The following RAB11FIP4 variants were observed in gnomAD, a reference collection of about 807,000 sequenced individuals.
RAB11FIP4 encodes the protein rab11 family-interacting protein 4.
A neutral mutation model predicts 74.3 loss-of-function variants in RAB11FIP4; 23 were observed. That is an observed-to-expected ratio of 0.31 (90% CI 0.22 to 0.44). The LOEUF is 0.44. RAB11FIP4 is among the 20% of genes least tolerant of loss of function. RAB11FIP4 has a pLI of 1.00. For synonymous variants in RAB11FIP4, 360 were observed against 359.9 expected, an observed-to-expected ratio of 1.00 and a Z score of 0.00; for missense variants, 630 against 863.9, an observed-to-expected ratio of 0.73 and a Z score of 3.39.
At chr17:31,520,571 A>G (rs1449219715) in intron 4 of RAB11FIP4, among the ~76,000 whole-genome samples, 4 of 152,040 alleles carry the variant, frequency 2.6e-5, no homozygotes, top group Non-Finnish European at 5.9e-5. Flanking sequence ...GCAGTGGCAC[A>G]ATCTCGGCTC....
At chr17:31,462,303 G>T (rs943868339) in intron 3 of RAB11FIP4, among the ~76,000 whole-genome samples, 7 of 151,916 alleles carry the variant, frequency 4.6e-5, no homozygotes, top group Non-Finnish European at 1.0e-4. Flanking sequence ...CAGGGCCTAG[G>T]TTCTACCTCC....
chr17:31,436,882 G>T (rs529657685), intron 3 of RAB11FIP4, among the ~76,000 whole-genome samples: 2 of 151,706 alleles, frequency 1.3e-5, no homozygotes, highest in Non-Finnish European at 2.9e-5. Context: ...CCGCCTCCCG[G>T]GTTCATGCCA....
At chr17:31,445,532 TTATATA>T (rs1208804229) in intron 3 of RAB11FIP4, among the ~76,000 whole-genome samples, 691 of 36,284 alleles carry the variant, frequency 0.019, 7 homozygotes, top group Non-Finnish European at 0.021. Context: ...TTTCCCAATT[TTATATA>T]TATATATATA....
chr17:31,438,296 G>A (rs1215869570), intron 3 of RAB11FIP4, among the ~76,000 whole-genome samples: 1 of 152,090 alleles, frequency 6.6e-6, no homozygotes, highest in African/African-American at 2.4e-5. Flanking sequence ...TCAGCAGGCA[G>A]TAATGTGAAC....
At chr17:31,522,534 G>A (rs2072688451) in intron 7 of RAB11FIP4, 139 bp downstream of exon 7, 4 of 781,346 alleles carry the variant, frequency 5.1e-6, no homozygotes, top group African/African-American at 1.7e-5. Flanking sequence ...CCATCCCAGG[G>A]CAGTGCAGCC....
At chr17:31,486,146 A>G (rs376001708) in intron 3 of RAB11FIP4, among the ~76,000 whole-genome samples, 2 of 152,130 alleles carry the variant, frequency 1.3e-5, no homozygotes, top group African/African-American at 4.8e-5. Context: ...AGGCAGAAGA[A>G]TCGCTTGAAC....
intron 1 of RAB11FIP4, among the ~76,000 whole-genome samples, chr17:31,401,126 G>T (rs2070981286): frequency 6.6e-6 from 1 of 152,158 alleles, no homozygotes; most frequent in African/African-American, 2.4e-5. Context: ...AACAAAATTA[G>T]CTGGGCATGG....
chr17:31,440,497 G>A (rs1002299425), intron 3 of RAB11FIP4, among the ~76,000 whole-genome samples: 6 of 152,154 alleles, frequency 3.9e-5, no homozygotes, highest in Admixed American at 2.6e-4. Context: ...GGCCAGGTGC[G>A]GTGGCTCATG....
Position 31,462,588 on chromosome 17 carries a change from C to T in RAB11FIP4, c.336+28466C>T, listed in dbSNP as rs187376695. Among the ~76,000 whole-genome samples the T allele has an allele frequency of 4.0e-3, 607 of 152,248 alleles. 3 individuals are homozygous for T. The highest frequency in any genetic ancestry group is 5.9e-3 in the Non-Finnish European group (404 of 68,024). ...CCTAGCACCAGCCTCGGTCCGGACT[C>T]TTAGCGTCATTATCTCCACACCATC... On this transcript the variant is annotated intron_variant, in intron 3 of 14. Transcript: ENST00000621161.
At chr17:31,524,220 T>G (rs2072723043) in intron 9 of RAB11FIP4, 1 of 529,632 alleles carries the variant, frequency 1.9e-6, no homozygotes, top group South Asian at 2.2e-5. Flanking sequence ...CTAGGCCCAA[T>G]GGATTCTACC....
chr17:31,505,892 T>C (rs1250187956), intron 3 of RAB11FIP4, among the ~76,000 whole-genome samples: 1 of 147,744 alleles, frequency 6.8e-6, no homozygotes, highest in African/African-American at 2.5e-5. Context: ...TTTTTTTTTT[T>C]GTAGAGATGG....
intron 1 of RAB11FIP4, among the ~76,000 whole-genome samples, chr17:31,430,606 G>A (rs898099656): frequency 2.0e-5 from 3 of 151,860 alleles, no homozygotes; most frequent in Admixed American, 6.6e-5. Flanking sequence ...TGATCTACCC[G>A]CCTCGGCCTC....
chr17:31,450,327 ATTATTATTATTAT>A (rs2071513211), intron 3 of RAB11FIP4, among the ~76,000 whole-genome samples: 2 of 82,876 alleles, frequency 2.4e-5, no homozygotes, highest in Non-Finnish European at 4.7e-5. Context: ...CGGCTTTATT[ATTATTATTATTAT>A]TATTATTATT....
intron 3 of RAB11FIP4, among the ~76,000 whole-genome samples, chr17:31,486,615 G>A (rs2071905511): frequency 6.6e-6 from 1 of 152,238 alleles, no homozygotes. Flanking sequence ...CAGTGCTCCT[G>A]TGTGTTAGAG....
intron 1 of RAB11FIP4, among the ~76,000 whole-genome samples, chr17:31,415,808 C>A (rs2071141958): frequency 6.6e-6 from 1 of 152,250 alleles, no homozygotes; most frequent in East Asian, 1.9e-4. Flanking sequence ...ACCTCAGCCC[C>A]CCTGCGGACG....
intron 3 of RAB11FIP4, among the ~76,000 whole-genome samples, chr17:31,511,983 G>C (rs1042549948): frequency 4.6e-5 from 7 of 152,180 alleles, no homozygotes; most frequent in Non-Finnish European, 1.0e-4. Context: ...GCGAGGTAGG[G>C]GTGCAGGGGA....
chr17:31,477,557 G>A (rs769726123), intron 3 of RAB11FIP4, among the ~76,000 whole-genome samples: 1 of 152,250 alleles, frequency 6.6e-6, no homozygotes, highest in Non-Finnish European at 1.5e-5. Flanking sequence ...ACAGGCAGCC[G>A]GCAGGTCCAC....
chr17:31,530,313 C>T lies in RAB11FIP4; in HGVS notation c.1654-13C>T. On this transcript the variant is annotated splice_polypyrimidine_tract_variant and intron_variant, in intron 13 of 14. Coordinates refer to ENST00000621161, the MANE Select transcript of RAB11FIP4 (RefSeq NM_032932.6). ...TCTTGGGGTTGATGTCGCCTTCGTC[C>T]TTCTCTCTGTAGGAGAATTATAAGC... 6.2e-7 allele frequency: 1 copy of T among 1,611,802 alleles called. No individual in the cohort carries two copies. The highest frequency in any genetic ancestry group is 1.7e-5 in the Admixed American group (1 of 59,836).
chr17:31,419,772 G>T (rs560439756), intron 1 of RAB11FIP4, among the ~76,000 whole-genome samples: 1 of 151,952 alleles, frequency 6.6e-6, no homozygotes, highest in Non-Finnish European at 1.5e-5. Flanking sequence ...GGATGGTCTC[G>T]ATCTCCTGAT....
Sources: allele counts gnomAD v4.1 joint callset (sites outside exome capture counted in the v4.1 genomes callset), GRCh38; gene constraint gnomAD v4.1.1; transcripts MANE v1.5; gene names NCBI Gene and HGNC (gene_info 2026-07-23, HGNC 2026-07-21).